The following SEPTIN14 variants were observed in gnomAD, a reference collection of about 807,000 sequenced individuals.
SEPTIN14 encodes septin 14, also known as septin-14.
In SEPTIN14, 40 loss-of-function variants were observed where a neutral mutation model predicts 53.6. The observed-to-expected ratio is 0.75, with a 90% CI of 0.58 to 0.97. The LOEUF (loss-of-function observed/expected upper bound fraction) is 0.97, where lower values mean the gene tolerates loss of function less well. SEPTIN14 is among the 50% of genes least tolerant of loss of function. SEPTIN14 has a pLI of 0.00. For synonymous variants in SEPTIN14, 138 were observed against 166.8 expected, an observed-to-expected ratio of 0.83 and a Z score of 1.33; for missense variants, 471 against 508.2, an observed-to-expected ratio of 0.93 and a Z score of 0.70.
chr7:55,799,517 T>TAA (rs1180866283), intron 9 of SEPTIN14, among the ~76,000 whole-genome samples: 27 of 54,204 alleles, frequency 5.0e-4, no homozygotes, highest in Middle Eastern at 0.015. Flanking sequence ...GACTCTTGTC[T>TAA]CAAAAAAAAA....
chr7:55,846,363 A>G (rs910158086), intron 3 of SEPTIN14, among the ~76,000 whole-genome samples, 154 bp downstream of exon 3: 2 of 152,122 alleles, frequency 1.3e-5, no homozygotes, highest in Admixed American at 1.3e-4. Context: ...GTCTCAAAAA[A>G]TAAAAGGATT....
chr7:55,861,013 T>C (rs1789733294), intron 2 of SEPTIN14, among the ~76,000 whole-genome samples: 1 of 152,228 alleles, frequency 6.6e-6, no homozygotes, highest in East Asian at 1.9e-4. Context: ...CATTTGCATA[T>C]CAGCATTTGC....
At chr7:55,858,238 A>C (rs1789680954) in intron 2 of SEPTIN14, among the ~76,000 whole-genome samples, 2 of 152,194 alleles carry the variant, frequency 1.3e-5, no homozygotes, top group Admixed American at 6.6e-5. Context: ...TGTCAGAAGA[A>C]GAGAAAGAGA....
At chr7:55,856,978 G>A (rs370802783) in intron 2 of SEPTIN14, among the ~76,000 whole-genome samples, 21 of 151,942 alleles carry the variant, frequency 1.4e-4, no homozygotes, top group African/African-American at 1.4e-4. Flanking sequence ...GCTGAGGCAC[G>A]AGAATCGGTT....
intron 2 of SEPTIN14, among the ~76,000 whole-genome samples, chr7:55,847,990 T>G (rs1245868396): frequency 1.3e-5 from 2 of 152,198 alleles, no homozygotes; most frequent in Non-Finnish European, 2.9e-5. Context: ...CTCAGCATAC[T>G]TCACAGTTCT....
intron 2 of SEPTIN14, among the ~76,000 whole-genome samples, chr7:55,855,985 T>A (rs1248653109): frequency 3.3e-5 from 5 of 152,230 alleles, no homozygotes; most frequent in Non-Finnish European, 7.3e-5. Context: ...ATTTAATGTA[T>A]GTATTTAATT....
At chr7:55,816,880 T>A (rs1484306354) in intron 7 of SEPTIN14, among the ~76,000 whole-genome samples, 1 of 152,028 alleles carries the variant, frequency 6.6e-6, no homozygotes, top group East Asian at 1.9e-4. Flanking sequence ...CAAGTGCTGG[T>A]AAGGATGTGG....
Position 55,800,515 on chromosome 7 carries a change from T to C in SEPTIN14, c.1120-4423A>G, listed in dbSNP as rs571427744. On this transcript the variant is annotated intron_variant, in intron 9 of 9. Transcript: ENST00000388975. The stretch of plus-strand genomic sequence containing the variant: ...GGCACATGCCTGTAATCCCAACCAC[T>C]TGGGAGGCTGAGGCAGGAGAATCGC... Among the ~76,000 whole-genome samples the C allele has an allele frequency of 1.4e-4, 21 of 152,102 alleles. 1 individual carries two copies. The South Asian group carries it at 4.0e-3, about 29-fold the overall frequency.
At chr7:55,861,870 A>C in intron 2 of SEPTIN14, 73 bp downstream of exon 2, 1 of 945,532 alleles carries the variant, frequency 1.1e-6, no homozygotes, top group Non-Finnish European at 1.5e-6. Context: ...CAGTTTTCCA[A>C]GTCAATATTT....
chr7:55,850,374 G>A (rs1789497151), intron 2 of SEPTIN14, among the ~76,000 whole-genome samples: 1 of 152,114 alleles, frequency 6.6e-6, no homozygotes, highest in South Asian at 2.1e-4. Flanking sequence ...GGAGGCTAAT[G>A]CAGGAGAATC....
chr7:55,812,944 C>T (rs568934091), intron 7 of SEPTIN14, among the ~76,000 whole-genome samples: 8 of 150,088 alleles, frequency 5.3e-5, no homozygotes, highest in East Asian at 2.0e-4. Context: ...CTAGTGCCCA[C>T]GACAGGAGCC....
intron 9 of SEPTIN14, among the ~76,000 whole-genome samples, chr7:55,800,348 G>A (rs552447182): frequency 1.3e-5 from 2 of 152,314 alleles, no homozygotes; most frequent in East Asian, 3.9e-4. Context: ...ACTCAGTCAG[G>A]CGCAGTAGCT....
At chr7:55,841,140 C>T (rs1224859445) in intron 5 of SEPTIN14, among the ~76,000 whole-genome samples, 1 of 151,932 alleles carries the variant, frequency 6.6e-6, no homozygotes, top group African/African-American at 2.4e-5. Context: ...AACTCCTGAT[C>T]TCAGGTGATC....
intron 2 of SEPTIN14, among the ~76,000 whole-genome samples, chr7:55,846,942 C>G (rs1213864230): frequency 6.6e-6 from 1 of 152,118 alleles, no homozygotes; most frequent in African/African-American, 2.4e-5. Context: ...AATCCCAGCA[C>G]TTTGGGAGGC....
chr7:55,816,385 T>G (rs1788791040), intron 7 of SEPTIN14, among the ~76,000 whole-genome samples: 1 of 152,156 alleles, frequency 6.6e-6, no homozygotes, highest in Non-Finnish European at 1.5e-5. Context: ...AAAGGATAAA[T>G]GCTTGAGTTG....
intron 7 of SEPTIN14, 28 bp downstream of exon 7, chr7:55,819,099 T>A: frequency 7.7e-7 from 1 of 1,299,468 alleles, no homozygotes; most frequent in South Asian, 1.3e-5. Flanking sequence ...ACTTAATCAT[T>A]CCAAAGCCTG....
intron 6 of SEPTIN14, among the ~76,000 whole-genome samples, chr7:55,829,819 T>TCAA (rs1789063205): frequency 1.3e-4 from 1 of 7,898 alleles, no homozygotes; most frequent in South Asian, 5.6e-3. Context: ...AGACTCCATC[T>TCAA]CAAAAAAAAA....
chr7:55,828,152 T>C (rs1403564125), intron 6 of SEPTIN14, among the ~76,000 whole-genome samples: 1 of 151,874 alleles, frequency 6.6e-6, no homozygotes, highest in African/African-American at 2.4e-5. Context: ...TATAAGGAAG[T>C]TCAATGAGAT....
intron 2 of SEPTIN14, among the ~76,000 whole-genome samples, chr7:55,855,441 G>A (rs561621932): frequency 3.9e-5 from 6 of 152,324 alleles, no homozygotes; most frequent in Admixed American, 6.5e-5. Flanking sequence ...CAAGAAAGAC[G>A]CAGACATCAG....
Sources: allele counts gnomAD v4.1 joint callset (sites outside exome capture counted in the v4.1 genomes callset), GRCh38; gene constraint gnomAD v4.1.1; transcripts MANE v1.5; gene names NCBI Gene and HGNC (gene_info 2026-07-23, HGNC 2026-07-21).